Variants in DOCK4 observed in about 807,000 individuals in gnomAD.
DOCK4 encodes dedicator of cytokinesis protein 4.
In DOCK4, 97 loss-of-function variants were observed where a neutral mutation model predicts 268.1. The observed-to-expected ratio is 0.36, with a 90% confidence interval of 0.31 to 0.43. The LOEUF (loss-of-function observed/expected upper bound fraction) is 0.43, where lower values mean the gene tolerates loss of function less well. DOCK4 is among the 20% of genes least tolerant of loss of function. DOCK4 has a pLI of 1.00. For missense variants in DOCK4, 2,145 were observed against 2,455.7 expected (o/e 0.87, Z 2.67); for synonymous variants, 954 against 887.2 (o/e 1.08, Z -1.34).
At chr7:112,108,864 A>G (rs1426466360) in intron 1 of DOCK4, among the ~76,000 whole-genome samples, 1 of 152,218 alleles carries the variant, frequency 6.6e-6, no homozygotes, top group East Asian at 1.9e-4. Context: ...TCTTAGGGGT[A>G]TAAGTAGAAT....
intron 30 of DOCK4, among the ~76,000 whole-genome samples, chr7:111,792,527 C>T (rs1799618060): frequency 6.6e-6 from 1 of 152,114 alleles, no homozygotes; most frequent in Non-Finnish European, 1.5e-5. Flanking sequence ...GGGTTACAGG[C>T]ACGCACCACC....
At chr7:112,137,883 ATAG>A (rs1394753359) in intron 1 of DOCK4, among the ~76,000 whole-genome samples, 2 of 152,236 alleles carry the variant, frequency 1.3e-5, no homozygotes, top group African/African-American at 4.8e-5. Flanking sequence ...TACTTGCTTC[ATAG>A]GCTTTCTGTG....
chr7:111,777,112 T>G (rs1359695514), intron 36 of DOCK4, among the ~76,000 whole-genome samples: 1 of 152,180 alleles, frequency 6.6e-6, no homozygotes, highest in African/African-American at 2.4e-5. Context: ...AGCCACCACG[T>G]CTGGCCTTGT....
intron 1 of DOCK4, among the ~76,000 whole-genome samples, chr7:112,057,564 A>T (rs1054613020): frequency 5.9e-5 from 9 of 151,860 alleles, no homozygotes; most frequent in African/African-American, 2.2e-4. Context: ...AAATAAAAAA[A>T]AAAAAAATGA....
At chr7:112,054,269 T>C (rs1173452706) in intron 1 of DOCK4, among the ~76,000 whole-genome samples, 3 of 152,212 alleles carry the variant, frequency 2.0e-5, no homozygotes, top group East Asian at 1.9e-4. Flanking sequence ...TTGCTCAGCA[T>C]TGAGTTTGGG....
At chr7:111,771,809 C>T (rs978200666) in intron 36 of DOCK4, among the ~76,000 whole-genome samples, 1 of 152,182 alleles carries the variant, frequency 6.6e-6, no homozygotes, top group Non-Finnish European at 1.5e-5. Context: ...CACCTAAGGG[C>T]CTCACAGCTT....
chr7:111,943,989 A>G (rs1296217524), intron 10 of DOCK4, among the ~76,000 whole-genome samples: 1 of 152,232 alleles, frequency 6.6e-6, no homozygotes, highest in East Asian at 1.9e-4. Context: ...CAGTTAGTGA[A>G]GAAGTGGGAA....
intron 16 of DOCK4, among the ~76,000 whole-genome samples, chr7:111,893,877 A>T (rs1447138138): frequency 6.6e-6 from 1 of 152,244 alleles, no homozygotes; most frequent in Non-Finnish European, 1.5e-5. Flanking sequence ...ATAATGAGAA[A>T]ATGAATGATT....
At chr7:111,746,255 A>G in intron 44 of DOCK4, 79 bp downstream of exon 44, 1 of 1,155,084 alleles carries the variant, frequency 8.7e-7, no homozygotes, top group Non-Finnish European at 1.3e-6. Flanking sequence ...CTGATGCAGG[A>G]AACCATGCAG....
At chr7:111,772,301 A>G (rs186012892) in intron 36 of DOCK4, among the ~76,000 whole-genome samples, 2 of 152,246 alleles carry the variant, frequency 1.3e-5, no homozygotes, top group Admixed American at 1.3e-4. Context: ...AGTCCCAGCT[A>G]CTTGGGAGGC....
chr7:111,843,455 A>G (rs1563578772), intron 25 of DOCK4, among the ~76,000 whole-genome samples: 1 of 152,218 alleles, frequency 6.6e-6, no homozygotes, highest in Admixed American at 6.5e-5. Flanking sequence ...ATGGCAAATA[A>G]GTATGTGAAA....
intron 27 of DOCK4, among the ~76,000 whole-genome samples, chr7:111,816,410 T>C (rs978162794): frequency 6.6e-6 from 1 of 152,194 alleles, no homozygotes; most frequent in Non-Finnish European, 1.5e-5. Context: ...ATGAAATTCG[T>C]GGATAACCAA....
chr7:112,040,215 C>T (rs1456151219), intron 1 of DOCK4, among the ~76,000 whole-genome samples: 2 of 152,124 alleles, frequency 1.3e-5, no homozygotes, highest in African/African-American at 4.8e-5. Flanking sequence ...AGTTTCTGTA[C>T]TATGAAATCT....
chr7:111,994,704 C>G (rs1022851276), intron 4 of DOCK4, among the ~76,000 whole-genome samples: 5 of 152,052 alleles, frequency 3.3e-5, no homozygotes, highest in East Asian at 1.9e-4. Flanking sequence ...TTATAAGTAA[C>G]TAGACACTGA....
At chr7:112,040,602 G>A (rs998296781) in intron 1 of DOCK4, among the ~76,000 whole-genome samples, 21 of 152,006 alleles carry the variant, frequency 1.4e-4, no homozygotes, top group Admixed American at 5.2e-4. Flanking sequence ...GATGAGCCAC[G>A]GTAAACCAAC....
chr7:112,144,675 A>G (rs1265540176), intron 1 of DOCK4, among the ~76,000 whole-genome samples: 1 of 152,148 alleles, frequency 6.6e-6, no homozygotes, highest in Non-Finnish European at 1.5e-5. Context: ...ATAATCTAAC[A>G]CTCATTTACC....
At chr7:111,747,185 A>G in intron 43 of DOCK4, 82 bp downstream of exon 43, 1 of 1,371,838 alleles carries the variant, frequency 7.3e-7, no homozygotes, top group Non-Finnish European at 1.0e-6. Context: ...TGATATGGGT[A>G]CATAGTCTGA....
intron 1 of DOCK4, among the ~76,000 whole-genome samples, chr7:112,176,262 T>C (rs2116651172): frequency 6.6e-6 from 1 of 152,246 alleles, no homozygotes; most frequent in South Asian, 2.1e-4. Context: ...AAAGAACATA[T>C]GAAAGTTGAG....
intron 1 of DOCK4, among the ~76,000 whole-genome samples, chr7:112,004,837 T>C (rs1800723983): frequency 6.6e-6 from 1 of 152,156 alleles, no homozygotes; most frequent in Admixed American, 6.5e-5. Context: ...TATAGATTAA[T>C]GGTTTAGATT....
Sources: gnomAD v4.1 joint callset for allele counts (sites outside exome capture counted in the v4.1 genomes callset) on GRCh38, gnomAD v4.1.1 for gene constraint, MANE v1.5 for transcripts, NCBI Gene and HGNC (gene_info 2026-07-23, HGNC 2026-07-21) for gene names.